The following SCN11A variants were observed in gnomAD, a reference collection of about 807,000 sequenced individuals.
SCN11A encodes sodium channel protein type 11 subunit alpha.
A neutral mutation model predicts 162.2 loss-of-function variants in SCN11A; 122 were observed. That is an observed-to-expected ratio of 0.75 (90% CI 0.65 to 0.87). SCN11A has a LOEUF of 0.87. SCN11A is among the 40% of genes least tolerant of loss of function. The probability of loss-of-function intolerance (pLI) is 0.00; values close to 1 mark genes in which losing one functional copy is unlikely to be tolerated. For missense variants in SCN11A, 2,015 were observed against 2,181.6 expected, an observed-to-expected ratio of 0.92 and a Z score of 1.52; for synonymous variants, 758 against 751.5, an observed-to-expected ratio of 1.01 and a Z score of -0.14.
chr3:38,887,555 G>T lies in SCN11A; in HGVS notation c.2836-1317C>A, dbSNP rs4132643. On this transcript the variant is annotated intron_variant, in intron 19 of 29. Coordinates refer to ENST00000302328, the MANE Select transcript of SCN11A (RefSeq NM_001349253.2). ...TACATATGTAACAAACCTGCACGTT[G>T]TGCACATGTACCCTAAAACTTAAAG... 8.9e-3 allele frequency among the ~76,000 whole-genome samples: 1,357 copies of T among 151,828 alleles called. 28 individuals carry two copies. Among genetic ancestry groups the T allele is most frequent in the African/African-American group, 0.031 (1,291 of 41,358 alleles).
intron 2 of SCN11A, among the ~76,000 whole-genome samples, chr3:38,996,547 T>C (rs969416702): frequency 1.3e-5 from 2 of 152,202 alleles, no homozygotes; most frequent in Non-Finnish European, 2.9e-5. Flanking sequence ...TGTTGTCTTT[T>C]ATTGTAAATG....
At position 38,886,112 on chromosome 3, in the gene SCN11A, C is replaced by T; in HGVS notation, c.2949+13G>A. ...AGCCACAAGTTCCTCTGACAACATC[C>T]TAGGAAAATTACCTTTCGGGGATCC... On this transcript the variant is annotated intron_variant, in intron 20 of 29. Transcript: ENST00000302328. 2 of 1,567,510 alleles carry T rather than the reference C, an allele frequency of 1.3e-6. No individual in the cohort carries two copies. Among genetic ancestry groups the T allele is most frequent in the Non-Finnish European group, 1.8e-6 (2 of 1,139,140 alleles).
chr3:38,884,272 T>C (rs2065358712), intron 21 of SCN11A, among the ~76,000 whole-genome samples: 1 of 152,118 alleles, frequency 6.6e-6, no homozygotes, highest in African/African-American at 2.4e-5. Flanking sequence ...CACCTTTCTT[T>C]CTCATCTCCA....
chr3:38,872,312 C>G lies in SCN11A; in HGVS notation c.3394-18G>C. ...ACAGAGACCTGATGGGAAGAGAGGC[C>G]ACAGATAATGTACCTGACTTGGTGT... On this transcript the variant is annotated intron_variant, in intron 23 of 29. Coordinates refer to ENST00000302328, the MANE Select transcript of SCN11A (RefSeq NM_001349253.2). The G allele has an allele frequency of 1.5e-6, 2 of 1,341,910 alleles. No homozygotes were observed. Among genetic ancestry groups the G allele is most frequent in the Non-Finnish European group, 2.1e-6 (2 of 932,624 alleles). The allele number at this position is 1,341,910 out of a possible 1,614,324, so 83.1% of individuals were successfully genotyped here.
chr3:39,005,011 G>C (rs528852458), intron 2 of SCN11A, among the ~76,000 whole-genome samples: 1 of 152,286 alleles, frequency 6.6e-6, no homozygotes, highest in Non-Finnish European at 1.5e-5. Flanking sequence ...ACAACTCTAA[G>C]GATTTCACAT....
At chr3:39,030,669 T>A (rs1294791045) in intron 2 of SCN11A, among the ~76,000 whole-genome samples, 1 of 152,184 alleles carries the variant, frequency 6.6e-6, no homozygotes, top group Non-Finnish European at 1.5e-5. Context: ...CAGCGCACGT[T>A]TTTAGACTAG....
chr3:38,981,766 A>C (rs527299214), intron 2 of SCN11A, among the ~76,000 whole-genome samples: 3 of 152,230 alleles, frequency 2.0e-5, no homozygotes, highest in African/African-American at 7.2e-5. Flanking sequence ...GCACTTTGGG[A>C]GGCTGAGGCA....
intron 7 of SCN11A, among the ~76,000 whole-genome samples, chr3:38,941,564 CAG>C (rs1033580298): frequency 3.3e-5 from 5 of 152,076 alleles, no homozygotes; most frequent in African/African-American, 9.7e-5. Context: ...AAAAAACAAA[CAG>C]GGGACTAAAC....
intron 27 of SCN11A, among the ~76,000 whole-genome samples, chr3:38,866,356 T>C (rs1338005440): frequency 6.6e-6 from 1 of 152,122 alleles, no homozygotes; most frequent in African/African-American, 2.4e-5. Context: ...GTAGCTGGGA[T>C]TACAGGCGTG....
intron 28 of SCN11A, among the ~76,000 whole-genome samples, chr3:38,862,835 C>T (rs1283367054): frequency 2.6e-5 from 4 of 152,052 alleles, no homozygotes; most frequent in African/African-American, 9.7e-5. Context: ...CAGAAATCAC[C>T]ACTAAAGAAC....
chr3:39,016,209 G>A (rs11716474), intron 2 of SCN11A, among the ~76,000 whole-genome samples: 15,016 of 152,220 alleles, frequency 0.099, 1,011 homozygotes, highest in East Asian at 0.22. Context: ...TTGAGGCAAG[G>A]AAAGGGGCTT....
At position 38,865,038 on chromosome 3, in the gene SCN11A, G is replaced by A. The variant is rs572158785; in HGVS notation, c.3952-1739C>T. Among the ~76,000 whole-genome samples, 7 of 152,192 alleles carry A rather than the reference G, an allele frequency of 4.6e-5. No individual in the cohort carries two copies. The South Asian group carries it at 1.5e-3, about 32-fold the overall frequency. On this transcript the variant is annotated intron_variant, in intron 27 of 29. Coordinates refer to ENST00000302328, the MANE Select transcript of SCN11A (RefSeq NM_001349253.2). ...TGTGGTTATGTTTAAAAAGAGATGT[G>A]TTCTAAAATATTTATGAATCAAATG...
chr3:39,028,842 A>AGCATTAAT (rs1281433225), intron 2 of SCN11A, among the ~76,000 whole-genome samples: 1 of 152,206 alleles, frequency 6.6e-6, no homozygotes, highest in Non-Finnish European at 1.5e-5. Context: ...CCATGAGAGC[A>AGCATTAAT]GCATTAATGT....
chr3:38,885,186 G>T, intron 21 of SCN11A, 102 bp downstream of exon 21: 1 of 693,078 alleles, frequency 1.4e-6, no homozygotes, highest in Middle Eastern at 2.4e-4. Flanking sequence ...GTCTCCAATA[G>T]AAGTAGAAAG....
intron 2 of SCN11A, among the ~76,000 whole-genome samples, chr3:38,963,699 T>C (rs2066762545): frequency 1.3e-5 from 2 of 151,872 alleles, no homozygotes; most frequent in South Asian, 4.2e-4. Context: ...ATAAGAATGA[T>C]ACAATGACTT....
rs369184688 is a variant in SCN11A at position 39,048,669 on chromosome 3, C to T, written c.-404+3192G>A. On this transcript the variant is annotated intron_variant, in intron 1 of 29. Coordinates refer to ENST00000302328, the MANE Select transcript of SCN11A (RefSeq NM_001349253.2). ...TTCATAAAAAAAGGAGTCATCTAAT[C>T]CCCTCTCCTTAGACACTGATGGCCT... Among the ~76,000 whole-genome samples the T allele has an allele frequency of 9.2e-5, 14 of 152,300 alleles. No homozygotes were observed. In the South Asian group the frequency reaches 1.7e-3, roughly 18 times the overall value.
intron 28 of SCN11A, among the ~76,000 whole-genome samples, chr3:38,852,034 G>A (rs918718117): frequency 5.3e-5 from 8 of 152,152 alleles, no homozygotes; most frequent in African/African-American, 9.7e-5. Context: ...TGAGGTGCCA[G>A]TGGGGGGTCC....
At chr3:38,885,164 C>G (rs1350720313) in intron 21 of SCN11A, 124 bp downstream of exon 21, 2 of 636,444 alleles carry the variant, frequency 3.1e-6, no homozygotes, top group Non-Finnish European at 5.6e-6. Flanking sequence ...CGGGTGCCCT[C>G]TCATTGCTTT....
chr3:38,918,189 G>A (rs2065990396), intron 11 of SCN11A, among the ~76,000 whole-genome samples: 1 of 152,116 alleles, frequency 6.6e-6, no homozygotes, highest in East Asian at 1.9e-4. Flanking sequence ...CCCCACGTTG[G>A]ATTCTGCCTA....
Sources: gnomAD v4.1 joint callset for allele counts (sites outside exome capture counted in the v4.1 genomes callset) on GRCh38, gnomAD v4.1.1 for gene constraint, MANE v1.5 for transcripts, NCBI Gene and HGNC (gene_info 2026-07-23, HGNC 2026-07-21) for gene names.